EPB41L3: variants seen among roughly 807,000 people sequenced by gnomAD.
EPB41L3 encodes erythrocyte membrane protein band 4.1 like 3.
Under a neutral mutation model 127.1 loss-of-function variants are expected in EPB41L3, and 57 were observed. That is an observed-to-expected ratio of 0.45 (90% CI 0.36 to 0.56). EPB41L3 has a LOEUF of 0.56. EPB41L3 is among the 20% of genes least tolerant of loss of function. The pLI is 0.00. For missense variants in EPB41L3, 1,273 were observed against 1,372.2 expected (o/e 0.93, Z 1.14); for synonymous variants, 572 against 549.5 (o/e 1.04, Z -0.57).
intron 9 of EPB41L3, among the ~76,000 whole-genome samples, chr18:5,424,979 C>T (rs1327218341): frequency 6.6e-6 from 1 of 152,134 alleles, no homozygotes; most frequent in Non-Finnish European, 1.5e-5. Flanking sequence ...TCAGCATGTA[C>T]ACTTCAGATG....
At position 5,595,808 on chromosome 18, in the gene EPB41L3, G is replaced by A. The variant is rs188968910; in HGVS notation, c.-306+16532C>T. ...CTGTCCACCAAAAAATTTCTAAATC[G>A]GTGCTTCTTAAGCAGGTCCATGGGG... On this transcript the variant is annotated intron_variant, in intron 3 of 21. Transcript: ENST00000545076. 3.3e-3 allele frequency among the ~76,000 whole-genome samples: 506 copies of A among 151,912 alleles called. 3 individuals are homozygous for A. Among genetic ancestry groups the A allele is most frequent in the Middle Eastern group, 0.014 (4 of 294 alleles).
rs536342744 is a variant in EPB41L3 at position 5,433,096 on chromosome 18, AGCAAAGGTTATGTGACG to A, written c.912+356_912+372del. 2.4e-3 allele frequency among the ~76,000 whole-genome samples: 365 copies of A among 152,292 alleles called. 2 individuals carry two copies. Among genetic ancestry groups the A allele is most frequent in the African/African-American group, 8.4e-3 (350 of 41,566 alleles). ...AAGCGTAGAAACAGAGTCTGATGGG[AGCAAAGGTTATGTGACG>A]GCACAGAGTGGGAAATACGACTGTG... On this transcript the variant is annotated intron_variant, in intron 8 of 22. Coordinates refer to ENST00000341928, the MANE Select transcript of EPB41L3 (RefSeq NM_012307.5).
chr18:5,398,297 G>A (rs1465444635), intron 16 of EPB41L3, 154 bp from the exon 17 acceptor site: 4 of 863,696 alleles, frequency 4.6e-6, no homozygotes, highest in Non-Finnish European at 7.2e-6. Context: ...AAAAGAATGG[G>A]AAATAAAATA....
intron 1 of EPB41L3, among the ~76,000 whole-genome samples, chr18:5,616,523 T>C (rs1010379109): frequency 6.6e-6 from 1 of 152,166 alleles, no homozygotes; most frequent in Non-Finnish European, 1.5e-5. Context: ...ATAAACTCCT[T>C]AGGTTTTTAT....
intron 3 of EPB41L3, chr18:5,466,160 C>CA (rs1259363448): frequency 6.6e-6 from 1 of 152,082 alleles, no homozygotes; most frequent in Non-Finnish European, 1.5e-5. Context: ...TCCTCTGCTG[C>CA]AAAAAATTAA....
intron 1 of EPB41L3, among the ~76,000 whole-genome samples, chr18:5,618,980 T>A (rs1238036876): frequency 6.6e-6 from 1 of 152,202 alleles, no homozygotes; most frequent in Non-Finnish European, 1.5e-5. Flanking sequence ...TAAGATATGT[T>A]TAAAATATTA....
At chr18:5,495,706 G>T (rs912172104) in intron 1 of EPB41L3, among the ~76,000 whole-genome samples, 1 of 152,156 alleles carries the variant, frequency 6.6e-6, no homozygotes, top group Admixed American at 6.5e-5. Context: ...GGGAAATCAG[G>T]AATAAATAAG....
At chr18:5,513,642 C>T (rs1035463649) in intron 1 of EPB41L3, among the ~76,000 whole-genome samples, 4 of 152,190 alleles carry the variant, frequency 2.6e-5, no homozygotes, top group African/African-American at 9.6e-5. Flanking sequence ...AGTAACTTAA[C>T]TTTTCTGAGC....
At position 5,392,706 on chromosome 18, in the gene EPB41L3, T is replaced by C. The variant is rs1163893191; in HGVS notation, c.*779A>G. On this transcript the variant is annotated 3_prime_UTR_variant, in exon 23 of 23. Transcript: ENST00000341928. Reference sequence around the variant, plus strand: ...CCCAGCAGTTTCTCCTGAAGTGAAATTTCATAATATTGTAAACTAACAAAA... The same window carrying C: ...CCCAGCAGTTTCTCCTGAAGTGAAACTTCATAATATTGTAAACTAACAAAA... The C allele has an allele frequency of 6.6e-6, 1 of 152,490 alleles. No individual in the cohort carries two copies. Among genetic ancestry groups the C allele is most frequent in the Non-Finnish European group, 1.5e-5 (1 of 68,024 alleles). The allele number at this position is 152,490 out of a possible 1,614,324, so 9.4% of individuals were successfully genotyped here. A position where few individuals can be genotyped will look rare whatever the true frequency, so the allele number is the denominator to read the frequency against.
chr18:5,480,301 A>G (rs908689884), intron 2 of EPB41L3, among the ~76,000 whole-genome samples: 3 of 152,198 alleles, frequency 2.0e-5, no homozygotes, highest in African/African-American at 7.2e-5. Flanking sequence ...AGAACTCAAA[A>G]ATAGCAGACT....
At chr18:5,559,420 C>A (rs919447831) in intron 3 of EPB41L3, among the ~76,000 whole-genome samples, 1 of 152,150 alleles carries the variant, frequency 6.6e-6, no homozygotes. Context: ...GAACACCCAG[C>A]TAACTCAATA....
intron 3 of EPB41L3, among the ~76,000 whole-genome samples, chr18:5,589,426 TG>T (rs2094466749): frequency 6.6e-6 from 1 of 151,670 alleles, no homozygotes; most frequent in Non-Finnish European, 1.5e-5. Flanking sequence ...GACCTGACAA[TG>T]GAAAAATATA....
At chr18:5,500,802 T>C (rs2091676769) in intron 1 of EPB41L3, among the ~76,000 whole-genome samples, 1 of 152,210 alleles carries the variant, frequency 6.6e-6, no homozygotes, top group Non-Finnish European at 1.5e-5. Context: ...TACAGTACAG[T>C]ACTTATTTCT....
intron 3 of EPB41L3, among the ~76,000 whole-genome samples, chr18:5,464,569 C>T (rs1443707916): frequency 6.6e-6 from 1 of 152,142 alleles, no homozygotes; most frequent in African/African-American, 2.4e-5. Flanking sequence ...GGTCGCTTTC[C>T]ATCTCTTTCC....
upstream of EPB41L3, among the ~76,000 whole-genome samples, chr18:5,629,917 A>T (rs957547210): frequency 3.3e-5 from 5 of 152,078 alleles, no homozygotes; most frequent in African/African-American, 1.2e-4. Flanking sequence ...GCCGGCGCGG[A>T]GGGGTGGAGG....
intron 1 of EPB41L3, among the ~76,000 whole-genome samples, chr18:5,490,766 A>AGAG (rs1268440522): frequency 5.3e-5 from 8 of 152,204 alleles, no homozygotes; most frequent in Non-Finnish European, 1.0e-4. Context: ...AGAAAACAGT[A>AGAG]GAGGAGGAGG....
chr18:5,484,379 T>C (rs1188145363), intron 2 of EPB41L3, among the ~76,000 whole-genome samples: 1 of 151,418 alleles, frequency 6.6e-6, no homozygotes, highest in Non-Finnish European at 1.5e-5. Context: ...AATAAACGTC[T>C]ATATCAAAAA....
intron 1 of EPB41L3, among the ~76,000 whole-genome samples, chr18:5,536,502 TAA>T (rs201022441): frequency 1.4e-4 from 20 of 145,002 alleles, no homozygotes; most frequent in African/African-American, 2.5e-4. Context: ...CTGTTACATT[TAA>T]AAAAAAAAAA....
intron 1 of EPB41L3, among the ~76,000 whole-genome samples, chr18:5,515,442 T>C (rs1408928001): frequency 6.6e-6 from 1 of 152,204 alleles, no homozygotes; most frequent in Non-Finnish European, 1.5e-5. Flanking sequence ...GGGAAAGGAA[T>C]TGAGTCTAAG....
Sources: allele counts gnomAD v4.1 joint callset (sites outside exome capture counted in the v4.1 genomes callset), GRCh38; gene constraint gnomAD v4.1.1; transcripts MANE v1.5; gene names NCBI Gene and HGNC (gene_info 2026-07-23, HGNC 2026-07-21).